Variants in TRPS1 observed in about 807,000 individuals in gnomAD.
TRPS1 encodes zinc finger transcription factor Trps1.
TRPS1 carries 6 observed loss-of-function variants against 101.2 expected under a neutral mutation model. The ratio of observed to expected loss-of-function variants is 0.06; its 90% confidence interval spans 0.03 to 0.12. The LOEUF (loss-of-function observed/expected upper bound fraction) is 0.12. Among genes scored for constraint, TRPS1 ranks in the 10% least tolerant of loss-of-function variants. TRPS1 has a pLI of 1.00. For synonymous variants in TRPS1, 578 were observed against 589.8 expected (o/e 0.98, Z 0.29); for missense variants, 1,363 against 1,567.0 (o/e 0.87, Z 2.20).
chr8:115,652,262 T>C (rs1390883198), intron 1 of TRPS1, among the ~76,000 whole-genome samples: 1 of 152,128 alleles, frequency 6.6e-6, no homozygotes, highest in Non-Finnish European at 1.5e-5. Context: ...GCGACTTCAA[T>C]ACAGCAATGT....
At chr8:115,479,283 C>T (rs935877694) in intron 5 of TRPS1, among the ~76,000 whole-genome samples, 1 of 152,036 alleles carries the variant, frequency 6.6e-6, no homozygotes, top group African/African-American at 2.4e-5. Flanking sequence ...TAGTCTGGTA[C>T]AGGAGGCAAC....
At chr8:115,446,260 G>T (rs1813732216) in intron 5 of TRPS1, among the ~76,000 whole-genome samples, 1 of 151,442 alleles carries the variant, frequency 6.6e-6, no homozygotes, top group African/African-American at 2.4e-5. Flanking sequence ...AAAGGAATGT[G>T]CTGTGTATGT....
intron 3 of TRPS1, among the ~76,000 whole-genome samples, chr8:115,613,272 T>C (rs1264419440): frequency 6.6e-6 from 1 of 152,218 alleles, no homozygotes; most frequent in Non-Finnish European, 1.5e-5. Context: ...TTTAAAAAGA[T>C]GAGTCAGCAA....
intron 1 of TRPS1, among the ~76,000 whole-genome samples, chr8:115,647,317 T>C (rs1811434610): frequency 6.6e-6 from 1 of 152,134 alleles, no homozygotes; most frequent in African/African-American, 2.4e-5. Flanking sequence ...ATAAAAAGCA[T>C]GTCCGTAACA....
chr8:115,497,816 G>A (rs1041879108), intron 5 of TRPS1, among the ~76,000 whole-genome samples: 4 of 152,076 alleles, frequency 2.6e-5, no homozygotes, highest in Non-Finnish European at 5.9e-5. Context: ...CATATGCCTG[G>A]GTTTTGATTG....
intron 5 of TRPS1, among the ~76,000 whole-genome samples, chr8:115,467,525 T>A (rs1247876656): frequency 6.6e-6 from 1 of 152,106 alleles, no homozygotes; most frequent in Non-Finnish European, 1.5e-5. Flanking sequence ...AATTTCTACC[T>A]ATTAGGCTTT....
intron 5 of TRPS1, among the ~76,000 whole-genome samples, chr8:115,581,287 T>C (rs1817443684): frequency 6.6e-6 from 1 of 152,002 alleles, no homozygotes; most frequent in South Asian, 2.1e-4. Context: ...AGGCAGAGAT[T>C]TGTTGAAGGA....
chr8:115,521,501 T>G (rs552727360), intron 5 of TRPS1, among the ~76,000 whole-genome samples: 1 of 151,928 alleles, frequency 6.6e-6, no homozygotes, highest in Admixed American at 6.6e-5. Context: ...TCTGTGTTTA[T>G]TTAATTTAGA....
chr8:115,432,538 A>T (rs1813347746), intron 5 of TRPS1, among the ~76,000 whole-genome samples: 1 of 151,936 alleles, frequency 6.6e-6, no homozygotes, highest in South Asian at 2.1e-4. Context: ...TCCAAATGAA[A>T]GCAGTAATTC....
chr8:115,575,246 C>G (rs1817291147), intron 5 of TRPS1, among the ~76,000 whole-genome samples: 1 of 152,040 alleles, frequency 6.6e-6, no homozygotes, highest in Non-Finnish European at 1.5e-5. Flanking sequence ...TCTAGGACAA[C>G]TAGTACAACA....
intron 5 of TRPS1, among the ~76,000 whole-genome samples, chr8:115,561,942 C>A (rs1482945615): frequency 6.6e-6 from 1 of 152,012 alleles, no homozygotes; most frequent in African/African-American, 2.4e-5. Flanking sequence ...ATGTGCAGAT[C>A]ATGATCGACA....
chr8:115,647,321 C>T (rs934638230), intron 1 of TRPS1, among the ~76,000 whole-genome samples: 5 of 152,056 alleles, frequency 3.3e-5, no homozygotes, highest in East Asian at 1.9e-4. Context: ...AAAGCATGTC[C>T]GTAACAAGAA....
At chr8:115,625,266 T>C (rs1818480561) in intron 1 of TRPS1, among the ~76,000 whole-genome samples, 1 of 151,956 alleles carries the variant, frequency 6.6e-6, no homozygotes, top group Non-Finnish European at 1.5e-5. Flanking sequence ...CTACACCTGA[T>C]TTAAATCACC....
chr8:115,497,208 G>T (rs1563552977), intron 5 of TRPS1, among the ~76,000 whole-genome samples: 3 of 152,078 alleles, frequency 2.0e-5, no homozygotes, highest in Admixed American at 1.3e-4. Flanking sequence ...ACAGATGAGG[G>T]GTATGGTTTG....
intron 4 of TRPS1, among the ~76,000 whole-genome samples, chr8:115,603,433 G>T (rs1358874378): frequency 1.3e-5 from 2 of 152,098 alleles, no homozygotes; most frequent in Non-Finnish European, 2.9e-5. Flanking sequence ...ATAAAAATGA[G>T]CAACAGGTTC....
At chr8:115,531,728 A>G (rs946740112) in intron 5 of TRPS1, among the ~76,000 whole-genome samples, 28 of 152,196 alleles carry the variant, frequency 1.8e-4, no homozygotes, top group African/African-American at 6.7e-4. Context: ...CATAGCTGAG[A>G]AGGGTTAAAA....
chr8:115,422,064 G>A (rs951079506), intron 5 of TRPS1, among the ~76,000 whole-genome samples: 19 of 152,164 alleles, frequency 1.2e-4, no homozygotes, highest in Non-Finnish European at 2.6e-4. Flanking sequence ...CTCCTTTGCA[G>A]TAAGCCTATT....
chr8:115,550,977 C>T (rs1816690946), intron 5 of TRPS1, among the ~76,000 whole-genome samples: 1 of 152,124 alleles, frequency 6.6e-6, no homozygotes, highest in South Asian at 2.1e-4. Flanking sequence ...AAGAGATAAT[C>T]TCACAGTGAC....
chr8:115,454,448 T>A (rs900149408), intron 5 of TRPS1, among the ~76,000 whole-genome samples: 2 of 152,308 alleles, frequency 1.3e-5, no homozygotes, highest in African/African-American at 4.8e-5. Context: ...ACAAGAGAAT[T>A]TGAACCACTA....
Sources: gnomAD v4.1 joint callset for allele counts (sites outside exome capture counted in the v4.1 genomes callset) on GRCh38, gnomAD v4.1.1 for gene constraint, MANE v1.5 for transcripts, NCBI Gene and HGNC (gene_info 2026-07-23, HGNC 2026-07-21) for gene names.